Variants in MPV17 observed in about 807,000 individuals in gnomAD.
MPV17 encodes the protein MPV17, mitochondrial inner membrane protein.
MPV17 carries 31 observed loss-of-function variants against 28.6 expected under a neutral mutation model. The observed-to-expected ratio is 1.08, with a 90% CI of 0.81 to 1.46. MPV17 has a LOEUF of 1.46. MPV17 is among the 40% of genes most tolerant of loss of function. The pLI, the probability that MPV17 is intolerant of heterozygous loss-of-function variation, is 0.00. For synonymous variants in MPV17, 87 were observed against 85.3 expected, an observed-to-expected ratio of 1.02 and a Z score of -0.11; for missense variants, 198 against 216.2, an observed-to-expected ratio of 0.92 and a Z score of 0.53.
chr2:27,311,685 GATGA>G, intron 7 of MPV17: 1 of 1,550,814 alleles, frequency 6.4e-7, no homozygotes, highest in Non-Finnish European at 8.7e-7. Flanking sequence ...TCCCTAGGGA[GATGA>G]AGAAGGTCAG....
In MPV17 at chr2:27,312,083, T is replaced by C. The variant is rs1338780807; in HGVS notation, c.408+131A>G. On this transcript the variant is annotated intron_variant, in intron 6 of 7. Transcript: ENST00000380044. Reference sequence around the variant, plus strand: ...AGTTGGGTGATGGCTTCCCTATTTATGGTGCCCATCCTGGGAATGAAAGAG... The same window carrying C: ...AGTTGGGTGATGGCTTCCCTATTTACGGTGCCCATCCTGGGAATGAAAGAG... 8 of 1,453,822 alleles carry C rather than the reference T, an allele frequency of 5.5e-6. No individual in the cohort carries two copies. In the African/African-American group the frequency reaches 8.4e-5, roughly 15 times the overall value. 90.1% of individuals were successfully genotyped at this position (1,453,822 alleles called of 1,614,324 possible). A position where few individuals can be genotyped will look rare whatever the true frequency, so the allele number is the denominator to read the frequency against.
chr2:27,318,851 G>A (rs1237553247), intron 2 of MPV17, among the ~76,000 whole-genome samples: 4 of 150,708 alleles, frequency 2.7e-5, no homozygotes, highest in African/African-American at 4.9e-5. Context: ...TGCAACCTCC[G>A]CCTCCCAGGC....
At position 27,309,499 on chromosome 2, in the gene MPV17, T is replaced by G. The variant is rs575276701; in HGVS notation, c.*413A>C. 7.3e-4 allele frequency: 208 copies of G among 286,412 alleles called. 1 individual carries two copies. Among genetic ancestry groups the G allele is most frequent in the Non-Finnish European group, 1.1e-3 (175 of 152,248 alleles). The allele number at this position is 286,412 out of a possible 1,614,324, so 17.7% of individuals were successfully genotyped here. A position where few individuals can be genotyped will look rare whatever the true frequency, so the allele number is the denominator to read the frequency against. On this transcript the variant is annotated 3_prime_UTR_variant, in exon 8 of 8. Coordinates refer to ENST00000380044, the MANE Select transcript of MPV17 (RefSeq NM_002437.5). ...ACTCATTACCACTGCAGATTCCGGA[T>G]TACATATTTAATAACATATTTACTG...
At chr2:27,313,518 T>C in intron 2 of MPV17, 1 of 407,638 alleles carries the variant, frequency 2.5e-6, no homozygotes, top group South Asian at 2.4e-5. Context: ...GGGTCTCACA[T>C]AACCAGTAAG....
At chr2:27,310,277 GGA>G (rs1679381169) in intron 7 of MPV17, among the ~76,000 whole-genome samples, 1 of 152,116 alleles carries the variant, frequency 6.6e-6, no homozygotes, top group Admixed American at 6.5e-5. Context: ...TGTATTTTTA[GGA>G]GAGACAGGGT....
At chr2:27,316,898 A>G in intron 2 of MPV17, 1 of 568,286 alleles carries the variant, frequency 1.8e-6, no homozygotes. Flanking sequence ...GGTAGGTGCC[A>G]GTTCTCATGC....
At chr2:27,315,360 T>C (rs1461209372) in intron 2 of MPV17, among the ~76,000 whole-genome samples, 1 of 152,192 alleles carries the variant, frequency 6.6e-6, no homozygotes, top group Non-Finnish European at 1.5e-5. Flanking sequence ...GAGAGGGAGC[T>C]GCTGCAGCCC....
chr2:27,313,428 C>T lies in MPV17; in HGVS notation c.71-319G>A. The T allele has an allele frequency of 8.5e-6, 5 of 585,452 alleles. No homozygotes were observed. The South Asian group carries it at 1.1e-4, about 12-fold the overall frequency. The allele number at this position is 585,452 out of a possible 1,614,324, so 36.3% of individuals were successfully genotyped here. ...AATTTAAGGCCACAGGGCTGAGAAC[C>T]ACAGACTGTCAGAATCAAAAGGGGC... On this transcript the variant is annotated intron_variant, in intron 2 of 7. Transcript: ENST00000380044.
chr2:27,309,681 A>G lies in MPV17; in HGVS notation c.*231T>C. ...TGATAAGGTCATGAAGGTTCAACAG[A>G]TATTTATGGAGTGCCTAGTATGTGG... is the stretch of plus-strand genomic sequence containing the variant. On this transcript the variant is annotated 3_prime_UTR_variant, in exon 8 of 8. Transcript: ENST00000380044. 2 of 620,840 alleles carry G rather than the reference A, an allele frequency of 3.2e-6. No individual in the cohort carries two copies. The highest frequency in any genetic ancestry group is 3.8e-5 in the South Asian group (2 of 52,442). The allele number at this position is 620,840 out of a possible 1,614,324, so 38.5% of individuals were successfully genotyped here. A position where few individuals can be genotyped will look rare whatever the true frequency, so the allele number is the denominator to read the frequency against.
rs187528114 is a variant in MPV17, at chr2:27,311,486, G to A, written c.461+413C>T. The stretch of plus-strand genomic sequence containing the variant: ...AGCATTTGAACCACACATCTTCAGT[G>A]CCACTATCTTTTTGGGTGCAGTTCA... On this transcript the variant is annotated intron_variant, in intron 7 of 7. Transcript: ENST00000380044. The A allele has an allele frequency of 4.9e-6, 5 of 1,023,094 alleles. No homozygotes were observed. The Admixed American group carries it at 9.5e-5, about 19-fold the overall frequency. The allele number at this position is 1,023,094 out of a possible 1,614,324, so 63.4% of individuals were successfully genotyped here.
rs142493907 is a variant in MPV17 at position 27,313,024 on chromosome 2, C to T, written c.156G>A (p.Leu52=). ...AGCCACAGCCCAGGGACACCATGGT[C>T]AGAGTCCGGCCTCTCTGGTGTTCCT... ...GLQEHQRGRT[L]TMVSLGCGFV... is the part of the protein sequence containing the mutation. Residue 52 remains leucine, a synonymous_variant, in exon 3 of 8, where the codon CTG becomes CTA. Transcript: ENST00000380044. 6.1e-5 allele frequency: 98 copies of T among 1,614,210 alleles called. No homozygotes were observed. The African/African-American group carries it at 1.1e-3, about 19-fold the overall frequency.
intron 3 of MPV17, 42 bp downstream of exon 3, chr2:27,312,952 C>T (rs759742497): frequency 7.8e-5 from 126 of 1,605,422 alleles, no homozygotes; most frequent in Non-Finnish European, 1.0e-4. Flanking sequence ...GAACTAAGAC[C>T]ACTGTTGAGT....
intron 7 of MPV17, among the ~76,000 whole-genome samples, chr2:27,310,385 G>A (rs181518179): frequency 3.4e-4 from 51 of 152,088 alleles, no homozygotes; most frequent in Middle Eastern, 3.4e-3. Flanking sequence ...TGTGAGCCAC[G>A]ACACCCAGCC....
intron 2 of MPV17, 161 bp downstream of exon 2, chr2:27,322,287 A>C (rs568249722): frequency 9.7e-6 from 7 of 722,690 alleles, no homozygotes; most frequent in Admixed American, 6.1e-5. Context: ...AGCCTTGGGG[A>C]CCACCCTCCA....
At chr2:27,313,187 A>G in intron 2 of MPV17, 78 bp from the exon 3 acceptor site, 2 of 1,606,994 alleles carry the variant, frequency 1.2e-6, no homozygotes, top group Non-Finnish European at 1.7e-6. Flanking sequence ...ACATCTGCTG[A>G]CCTCCACTGA....
chr2:27,314,884 C>T (rs2148218097), intron 2 of MPV17, among the ~76,000 whole-genome samples: 1 of 152,364 alleles, frequency 6.6e-6, no homozygotes, highest in South Asian at 2.1e-4. Context: ...TTCCTCCACA[C>T]CCTCTGCCCG....
chr2:27,313,184 C>G, intron 2 of MPV17, 75 bp from the exon 3 acceptor site: 1 of 1,607,290 alleles, frequency 6.2e-7, no homozygotes, highest in Non-Finnish European at 8.5e-7. Context: ...GGGACATCTG[C>G]TGACCTCCAC....
At chr2:27,311,247 G>T (rs1679429354) in intron 7 of MPV17, 1 of 242,412 alleles carries the variant, frequency 4.1e-6, no homozygotes, top group African/African-American at 2.3e-5. Context: ...TTTCTGTAGA[G>T]ATGAGGTCTC....
At chr2:27,316,072 GC>G in intron 2 of MPV17, 2 of 1,550,560 alleles carry the variant, frequency 1.3e-6, no homozygotes, top group Non-Finnish European at 1.7e-6. Context: ...GCCCCAAAGG[GC>G]CTGCATATCA....
Sources: gnomAD v4.1 joint callset for allele counts (sites outside exome capture counted in the v4.1 genomes callset) on GRCh38, gnomAD v4.1.1 for gene constraint, MANE v1.5 for transcripts, NCBI Gene and HGNC (gene_info 2026-07-23, HGNC 2026-07-21) for gene names.